GCNT2: variants seen among roughly 807,000 people sequenced by gnomAD.
GCNT2 encodes glucosaminyl (N-acetyl) transferase 2 (I blood group).
In GCNT2, 34 loss-of-function variants were observed where a neutral mutation model predicts 34.2. That is an observed-to-expected ratio of 1.00 (90% CI 0.76 to 1.32). GCNT2 has a LOEUF of 1.32. GCNT2 is among the 40% of genes most tolerant of loss of function. The pLI is 0.00. For synonymous variants in GCNT2, 212 were observed against 188.0 expected (o/e 1.13, Z -1.04); for missense variants, 584 against 489.4 (o/e 1.19, Z -1.82).
intron 3 of GCNT2, among the ~76,000 whole-genome samples, chr6:10,563,301 CAT>C (rs1429699816): frequency 3.3e-5 from 5 of 152,190 alleles, no homozygotes; most frequent in Admixed American, 3.3e-4. Flanking sequence ...CTCATAAAAA[CAT>C]GTTCAATAAT....
intron 3 of GCNT2, chr6:10,556,552 G>T (rs959976205): frequency 5.6e-6 from 9 of 1,614,072 alleles, no homozygotes; most frequent in South Asian, 1.1e-5. Context: ...ACCCTTTGAG[G>T]CTGACTCAAG....
intron 3 of GCNT2, among the ~76,000 whole-genome samples, chr6:10,595,807 G>T (rs1474653025): frequency 6.6e-6 from 1 of 152,114 alleles, no homozygotes; most frequent in Admixed American, 6.5e-5. Flanking sequence ...CTTTGCAGAG[G>T]AGTAATTTTT....
chr6:10,541,871 G>C (rs1418420268), intron 3 of GCNT2, among the ~76,000 whole-genome samples: 1 of 152,180 alleles, frequency 6.6e-6, no homozygotes, highest in African/African-American at 2.4e-5. Context: ...CCCTCAGGCA[G>C]AGCAGTTTGT....
At chr6:10,570,420 CTCCTCAGCCAGGTTTAAA>C (rs1375773845) in intron 3 of GCNT2, among the ~76,000 whole-genome samples, 1 of 152,214 alleles carries the variant, frequency 6.6e-6, no homozygotes, top group Admixed American at 6.5e-5. Flanking sequence ...CATAATCTTC[CTCCTCAGCCAGGTTTAAA>C]AGATCAGAAC....
intron 3 of GCNT2, among the ~76,000 whole-genome samples, chr6:10,572,271 T>A (rs1470573105): frequency 6.6e-6 from 1 of 152,168 alleles, no homozygotes; most frequent in Non-Finnish European, 1.5e-5. Context: ...AACCACTCAT[T>A]TATGTAGGTT....
In GCNT2 at chr6:10,554,342, C is replaced by T. The variant is rs536823666; in HGVS notation, c.925+24506C>T. On this transcript the variant is annotated intron_variant, in intron 3 of 4. Coordinates refer to ENST00000495262, the MANE Select transcript of GCNT2 (RefSeq NM_145649.5). ...CGACTATATTTTTCAACACACAATG[C>T]CATTTGAAGTACTGGATTGAGTACG... 3.3e-5 allele frequency among the ~76,000 whole-genome samples: 5 copies of T among 152,242 alleles called. No individual in the cohort carries two copies. In the East Asian group the frequency reaches 9.6e-4, roughly 29 times the overall value.
rs373308563 is a variant in GCNT2, at chr6:10,544,089, G to A, written c.925+14253G>A. Among the ~76,000 whole-genome samples the A allele has an allele frequency of 6.2e-3, 947 of 152,222 alleles. 8 individuals are homozygous for A. Among genetic ancestry groups the A allele is most frequent in the African/African-American group, 0.022 (911 of 41,526 alleles). On this transcript the variant is annotated intron_variant, in intron 3 of 4. Transcript: ENST00000495262. ...AGAACTTTGGGAGGCCGAGATGGGC[G>A]GATCACCTGAGATCAGGAGTTCGAG...
At chr6:10,537,713 AAAAAAAAAAAAAAC>A (rs1177689257) in intron 3 of GCNT2, among the ~76,000 whole-genome samples, 7 of 143,924 alleles carry the variant, frequency 4.9e-5, no homozygotes, top group South Asian at 2.3e-4. Context: ...AAAAAAAAAA[AAAAAAAAAAAAAAC>A]AAAACAAAGA....
At chr6:10,622,388 G>T (rs2127445603) in intron 4 of GCNT2, among the ~76,000 whole-genome samples, 1 of 151,884 alleles carries the variant, frequency 6.6e-6, no homozygotes, top group South Asian at 2.1e-4. Context: ...CTCTCTGCTT[G>T]GCTTGTAGAT....
intron 3 of GCNT2, among the ~76,000 whole-genome samples, chr6:10,617,055 C>T (rs111701428): frequency 5.7e-4 from 87 of 152,356 alleles, no homozygotes; most frequent in African/African-American, 1.9e-3. Context: ...ACTCCGTGCG[C>T]CTGCACTCCT....
intron 2 of GCNT2, chr6:10,528,423 A>G (rs1401116978): frequency 5.3e-6 from 1 of 188,994 alleles, no homozygotes; most frequent in South Asian, 1.1e-4. Context: ...AGTTTAAGCA[A>G]ATAAACTCAG....
intron 3 of GCNT2, among the ~76,000 whole-genome samples, chr6:10,539,256 C>T (rs78658622): frequency 7.7e-5 from 10 of 129,294 alleles, no homozygotes; most frequent in Admixed American, 7.5e-4. Context: ...GTGGTGCGAT[C>T]TCGGCCCACT....
chr6:10,578,999 G>A (rs1763951086), intron 3 of GCNT2, among the ~76,000 whole-genome samples: 1 of 152,140 alleles, frequency 6.6e-6, no homozygotes, highest in African/African-American at 2.4e-5. Flanking sequence ...TGGATGCTGA[G>A]GCAACATCAA....
chr6:10,593,945 C>A (rs2127421010), intron 3 of GCNT2, among the ~76,000 whole-genome samples: 1 of 152,318 alleles, frequency 6.6e-6, no homozygotes, highest in African/African-American at 2.4e-5. Context: ...CTGTGTGACA[C>A]TGGTGTTAGT....
chr6:10,590,320 G>A (rs1276982293), intron 3 of GCNT2, among the ~76,000 whole-genome samples: 1 of 151,104 alleles, frequency 6.6e-6, no homozygotes, highest in African/African-American at 2.4e-5. Context: ...GATTGCTTAA[G>A]CCTGAAAAAT....
intron 3 of GCNT2, chr6:10,581,698 G>C: frequency 1.0e-6 from 1 of 960,880 alleles, no homozygotes; most frequent in Non-Finnish European, 1.2e-6. Flanking sequence ...ACTTATCAGA[G>C]CTCCTTATTG....
At chr6:10,625,758 A>T (rs1309626686) in intron 4 of GCNT2, among the ~76,000 whole-genome samples, 1 of 152,184 alleles carries the variant, frequency 6.6e-6, no homozygotes, top group Admixed American at 6.5e-5. Context: ...CCCCCAGTGG[A>T]TGCCTGAAAC....
chr6:10,576,686 G>GGA (rs568786016), intron 3 of GCNT2, among the ~76,000 whole-genome samples: 135 of 151,386 alleles, frequency 8.9e-4, no homozygotes, highest in African/African-American at 9.5e-4. Flanking sequence ...AGAGATTTGG[G>GGA]GAGAGAGAGA....
intron 3 of GCNT2, among the ~76,000 whole-genome samples, chr6:10,539,038 A>C (rs1046800387): frequency 2.6e-5 from 4 of 152,132 alleles, no homozygotes; most frequent in Non-Finnish European, 5.9e-5. Flanking sequence ...TTTAAGATTT[A>C]AGTGGACTGG....
Sources: allele counts gnomAD v4.1 joint callset (sites outside exome capture counted in the v4.1 genomes callset), GRCh38; gene constraint gnomAD v4.1.1; transcripts MANE v1.5; gene names NCBI Gene and HGNC (gene_info 2026-07-23, HGNC 2026-07-21).